ENPP7: variants seen among roughly 807,000 people sequenced by gnomAD.
ENPP7 encodes the protein ectonucleotide pyrophosphatase/phosphodiesterase 7.
In ENPP7, 39 loss-of-function variants were observed where a neutral mutation model predicts 33.6. That is an observed-to-expected ratio of 1.16 (90% CI 0.90 to 1.52). ENPP7 has a LOEUF of 1.52. Among genes scored for constraint, ENPP7 ranks in the 40% most tolerant of loss-of-function variants. The pLI is 0.00. For missense variants in ENPP7, 594 were observed against 641.0 expected, an observed-to-expected ratio of 0.93 and a Z score of 0.79; for synonymous variants, 244 against 274.3, an observed-to-expected ratio of 0.89 and a Z score of 1.09.
rs201532960 is a variant in ENPP7, at chr17:79,735,334, G to A, written c.691G>A (p.Ala231Thr). The change falls in exon 3 of 6, where the codon GCG (alanine) becomes ACG (threonine). Residue 231 changes from alanine (A) to threonine (T), a missense_variant. By Grantham distance (58) the Ala-to-Thr change is moderately conservative. This residue lies in a region of ENPP7 where 504 missense variants were observed against 512.8 expected (regional missense o/e 0.98). Coordinates refer to ENST00000328313, the MANE Select transcript of ENPP7 (RefSeq NM_178543.5). This position sits in a 1 kb window ranked among gnomAD's most constrained non-coding sequence, Gnocchi z 5.5. Reference sequence around the variant, plus strand: ...CGTGGGCTACCTCCGGGAGAGCATCGCGCGCAACCACCTCACAGACCGCCT... The same window carrying A: ...CGTGGGCTACCTCCGGGAGAGCATCACGCGCAACCACCTCACAGACCGCCT... The part of the protein sequence containing the change: ...RTVGYLRESI[A>T]RNHLTDRLNL... 2.8e-5 allele frequency: 45 copies of A among 1,613,596 alleles called. No homozygotes were observed. The highest frequency in any genetic ancestry group is 1.6e-4 in the African/African-American group (12 of 75,028).
chr17:79,735,626 C>T lies in ENPP7; in HGVS notation c.983C>T (p.Thr328Ile). ...CACTACGCCAACAACCCCAGGGTCA[C>T]ACCCCTGCTGATGTACAGCGACCTT... ...AFHYANNPRVTPLLMYSDLGY... is the reference protein window; with the variant it reads ...AFHYANNPRVIPLLMYSDLGY... Residue 328 changes from threonine to isoleucine, a missense_variant, in exon 3 of 6, where the codon ACA becomes ATA. By Grantham distance (89) the Thr-to-Ile change is moderately conservative. This residue lies in a region of ENPP7 where 504 missense variants were observed against 512.8 expected (regional missense o/e 0.98). Transcript: ENST00000328313. This position sits in a 1 kb window ranked among gnomAD's most constrained non-coding sequence, Gnocchi z 5.5. 5.6e-6 allele frequency: 9 copies of T among 1,613,540 alleles called. No homozygotes were observed. Among genetic ancestry groups the T allele is most frequent in the Non-Finnish European group, 7.6e-6 (9 of 1,179,858 alleles).
At chr17:79,736,726 C>T (rs1041618793) in intron 3 of ENPP7, among the ~76,000 whole-genome samples, 1 of 152,204 alleles carries the variant, frequency 6.6e-6, no homozygotes, top group Non-Finnish European at 1.5e-5. Context: ...CAGACATCCC[C>T]GGAAAGGAAG....
Position 79,733,579 on chromosome 17 carries a change from T to C in ENPP7, c.325T>C (p.Tyr109His). 1.2e-6 allele frequency: 2 copies of C among 1,613,572 alleles called. No homozygotes were observed. Among genetic ancestry groups the C allele is most frequent in the Non-Finnish European group, 1.7e-6 (2 of 1,179,982 alleles). Residue 109 changes from tyrosine to histidine, a missense_variant, in exon 2 of 6, where the codon TAC (tyrosine) becomes CAC (histidine). By Grantham distance (83) the Tyr-to-His change is moderately conservative. Transcript: ENST00000328313. ...YNTTSKVKLP[Y>H]HATLGIQRWW... is the part of the protein sequence containing the mutation. ...CACCACCAGCAAGGTGAAGCTGCCC[T>C]ACCACGCCACGCTGGGCATCCAGAG...
At chr17:79,732,157 C>CATAT (rs1236711786) in intron 1 of ENPP7, among the ~76,000 whole-genome samples, 11 of 73,292 alleles carry the variant, frequency 1.5e-4, no homozygotes, top group Non-Finnish European at 2.9e-4. Flanking sequence ...TATACACACA[C>CATAT]ATATATATAT....
In ENPP7 at chr17:79,731,038, G is replaced by A; in HGVS notation, c.-102G>A. The stretch of plus-strand genomic sequence containing the variant: ...GGATGTGCACAGCCACATTCCAAAG[G>A]CGCACGGGATGAGATCAGCCCGGGT... On this transcript the variant is annotated 5_prime_UTR_variant, in exon 1 of 6. Coordinates refer to ENST00000328313, the MANE Select transcript of ENPP7 (RefSeq NM_178543.5). 1 of 1,326,346 alleles carries A rather than the reference G, an allele frequency of 7.5e-7. No homozygotes were observed. The highest frequency in any genetic ancestry group is 1.5e-5 in the South Asian group (1 of 67,492). The allele number at this position is 1,326,346 out of a possible 1,614,324, so 82.2% of individuals were successfully genotyped here.
At position 79,739,007 on chromosome 17, in the gene ENPP7, T is replaced by C. The variant is rs1171313332; in HGVS notation, c.*16+945T>C. The stretch of plus-strand genomic sequence containing the variant: ...ATCCACGCACAGAGTGCTCAGATGC[T>C]TGTGATGGCAAAGAAGAGACGGCCA... On this transcript the variant is annotated intron_variant, in intron 5 of 5. Transcript: ENST00000328313. The surrounding 1 kb of genome is among the most constrained non-coding windows in gnomAD (Gnocchi z 4.4). The C allele has an allele frequency of 3.9e-5, 6 of 152,232 alleles. No individual in the cohort carries two copies. The highest frequency in any genetic ancestry group is 3.9e-4 in the Admixed American group (6 of 15,288). The allele number at this position is 152,232 out of a possible 1,614,324, so 9.4% of individuals were successfully genotyped here.
At position 79,737,896 on chromosome 17, in the gene ENPP7, G is replaced by A; in HGVS notation, c.1247-20G>A. 1.9e-6 allele frequency: 3 copies of A among 1,613,222 alleles called. No individual in the cohort carries two copies. Among genetic ancestry groups the A allele is most frequent in the Non-Finnish European group, 1.7e-6 (2 of 1,179,864 alleles). On this transcript the variant is annotated intron_variant, in intron 4 of 5. Coordinates refer to ENST00000328313, the MANE Select transcript of ENPP7 (RefSeq NM_178543.5). The surrounding 1 kb of genome is among the most constrained non-coding windows in gnomAD (Gnocchi z 5.5). ...AGGAGCCATCCCTCTCTCCCTCACAGGTCCTCTGGCTTTCCTTAGAATCTG... is the reference window on the plus strand; with the variant it reads ...AGGAGCCATCCCTCTCTCCCTCACAAGTCCTCTGGCTTTCCTTAGAATCTG...
chr17:79,733,683 G>T, intron 2 of ENPP7, 30 bp downstream of exon 2: 1 of 1,576,176 alleles, frequency 6.3e-7, no homozygotes, highest in South Asian at 1.2e-5. Flanking sequence ...TACTGACATC[G>T]CAGAGCACGG....
At position 79,738,136 on chromosome 17, in the gene ENPP7, C is replaced by T. The variant is rs1487234789; in HGVS notation, c.*16+74C>T. The T allele has an allele frequency of 4.7e-6, 7 of 1,481,088 alleles. No individual in the cohort carries two copies. The Admixed American group carries it at 6.9e-5, about 15-fold the overall frequency. 91.7% of individuals were successfully genotyped at this position (1,481,088 alleles called of 1,614,324 possible). A position where few individuals can be genotyped will look rare whatever the true frequency, so the allele number is the denominator to read the frequency against. The stretch of plus-strand genomic sequence containing the variant: ...ACCCTCCACCCTGATGTCCCAGCTA[C>T]AGTCCTAGGCAACCAGAACAGAGCT... On this transcript the variant is annotated intron_variant, in intron 5 of 5. Coordinates refer to ENST00000328313, the MANE Select transcript of ENPP7 (RefSeq NM_178543.5). The surrounding 1 kb of genome is among the most constrained non-coding windows in gnomAD (Gnocchi z 6.2).
At chr17:79,734,980 C>G in intron 2 of ENPP7, 63 bp from the exon 3 acceptor site, 1 of 1,551,286 alleles carries the variant, frequency 6.4e-7, no homozygotes, top group East Asian at 2.3e-5. Context: ...AATGTGTTCA[C>G]AGGCATGAGA....
Position 79,738,144 on chromosome 17 carries a change from G to C in ENPP7, c.*16+82G>C. On this transcript the variant is annotated intron_variant, in intron 5 of 5. Transcript: ENST00000328313. This position sits in a 1 kb window ranked among gnomAD's most constrained non-coding sequence, Gnocchi z 6.2. Reference sequence around the variant, plus strand: ...CCCTGATGTCCCAGCTACAGTCCTAGGCAACCAGAACAGAGCTGCCAGGCC... The same window carrying C: ...CCCTGATGTCCCAGCTACAGTCCTACGCAACCAGAACAGAGCTGCCAGGCC... 1.4e-6 allele frequency: 2 copies of C among 1,465,426 alleles called. No homozygotes were observed. The highest frequency in any genetic ancestry group is 1.9e-6 in the Non-Finnish European group (2 of 1,072,054). The allele number at this position is 1,465,426 out of a possible 1,614,324, so 90.8% of individuals were successfully genotyped here. A position where few individuals can be genotyped will look rare whatever the true frequency, so the allele number is the denominator to read the frequency against.
intron 2 of ENPP7, among the ~76,000 whole-genome samples, chr17:79,734,816 C>T (rs782705825): frequency 1.3e-5 from 2 of 152,278 alleles, no homozygotes; most frequent in Non-Finnish European, 2.9e-5. Context: ...GTTTAGTGCT[C>T]AAGTCCAGTG....
In ENPP7 at chr17:79,731,284, G is replaced by A. The variant is rs142401033; in HGVS notation, c.145G>A (p.Val49Met). Residue 49 changes from valine to methionine, a missense_variant, in exon 1 of 6, where the codon GTG (valine) becomes ATG (methionine). By Grantham distance (21) the Val-to-Met change is conservative. Coordinates refer to ENST00000328313, the MANE Select transcript of ENPP7 (RefSeq NM_178543.5). Reference sequence around the variant, plus strand: ...CTTCCGCTGGAACTACGACCAGGACGTGGACACCCCCAACCTGGACGCCAT... The same window carrying A: ...CTTCCGCTGGAACTACGACCAGGACATGGACACCCCCAACCTGGACGCCAT... Reference protein sequence around the residue: ...DGFRWNYDQDVDTPNLDAMAR... With the variant: ...DGFRWNYDQDMDTPNLDAMAR... 58 of 1,613,958 alleles carry A rather than the reference G, an allele frequency of 3.6e-5. No individual in the cohort carries two copies. In the African/African-American group the frequency reaches 5.6e-4, roughly 16 times the overall value.
chr17:79,740,785 C>T (rs1032607196), intron 5 of ENPP7, among the ~76,000 whole-genome samples: 18 of 152,168 alleles, frequency 1.2e-4, no homozygotes, highest in African/African-American at 3.9e-4. Flanking sequence ...GGCGTGAATA[C>T]TCCCACCATG....
At position 79,739,802 on chromosome 17, in the gene ENPP7, C is replaced by A. The variant is rs1197414406; in HGVS notation, c.*16+1740C>A. ...TATGGGACTCAATGAAAGCCCCCAG[C>A]CAGAAGGAGTGGACTGAGAAGAGAT... On this transcript the variant is annotated intron_variant, in intron 5 of 5. Transcript: ENST00000328313. This position sits in a 1 kb window ranked among gnomAD's most constrained non-coding sequence, Gnocchi z 4.4. Among the ~76,000 whole-genome samples, 2 of 152,184 alleles carry A rather than the reference C, an allele frequency of 1.3e-5. No homozygotes were observed. Among genetic ancestry groups the A allele is most frequent in the Non-Finnish European group, 2.9e-5 (2 of 68,028 alleles).
Position 79,739,355 on chromosome 17 carries a change from A to G in ENPP7, c.*16+1293A>G, listed in dbSNP as rs2094301573. ...CACAGGGTCTGAGGTTGATGATTAA[A>G]TGAGTGGCTCCCACTGCTGGGCCGG... is the stretch of plus-strand genomic sequence containing the variant. On this transcript the variant is annotated intron_variant, in intron 5 of 5. Transcript: ENST00000328313. The surrounding 1 kb of genome is among the most constrained non-coding windows in gnomAD (Gnocchi z 4.4). 6.6e-6 allele frequency: 1 copy of G among 152,448 alleles called. No individual in the cohort carries two copies. The highest frequency in any genetic ancestry group is 2.4e-5 in the African/African-American group (1 of 41,580). 9.4% of individuals were successfully genotyped at this position (152,448 alleles called of 1,614,324 possible).
intron 1 of ENPP7, among the ~76,000 whole-genome samples, chr17:79,733,033 C>A (rs1440692514): frequency 6.6e-6 from 1 of 152,192 alleles, no homozygotes; most frequent in African/African-American, 2.4e-5. Flanking sequence ...CACGTGTTTC[C>A]TGTACAAAAA....
At position 79,739,740 on chromosome 17, in the gene ENPP7, G is replaced by A. The variant is rs1390185537; in HGVS notation, c.*16+1678G>A. ...AGTCCACAGCCAGGGATGCAGTTTA[G>A]TCTGGCAATTTAAATTTGAGACTTG... On this transcript the variant is annotated intron_variant, in intron 5 of 5. Coordinates refer to ENST00000328313, the MANE Select transcript of ENPP7 (RefSeq NM_178543.5). The surrounding 1 kb of genome is among the most constrained non-coding windows in gnomAD (Gnocchi z 4.4). Among the ~76,000 whole-genome samples, 5 of 152,228 alleles carry A rather than the reference G, an allele frequency of 3.3e-5. No homozygotes were observed. Among genetic ancestry groups the A allele is most frequent in the Non-Finnish European group, 7.3e-5 (5 of 68,040 alleles).
At position 79,737,114 on chromosome 17, in the gene ENPP7, G is replaced by T. The variant is rs370478890; in HGVS notation, c.1100G>T (p.Arg367Leu). 1 of 1,614,054 alleles carries T rather than the reference G, an allele frequency of 6.2e-7. No homozygotes were observed. Among genetic ancestry groups the T allele is most frequent in the African/African-American group, 1.3e-5 (1 of 74,940 alleles). The stretch of plus-strand genomic sequence containing the variant: ...GACATGGACATGAAGACCATCTTCC[G>T]CGCTGTGGGCCCTAGCTTCAGGGCG... ...NKDMDMKTIF[R>L]AVGPSFRAGL... The change falls in exon 4 of 6, where the codon CGC becomes CTC. Residue 367 changes from arginine (R) to leucine (L), a missense_variant. By Grantham distance (102) the Arg-to-Leu change is moderately radical (BLOSUM62 -2). Transcript: ENST00000328313. The surrounding 1 kb of genome is among the most constrained non-coding windows in gnomAD (Gnocchi z 5.5).
Sources: allele counts gnomAD v4.1 joint callset (sites outside exome capture counted in the v4.1 genomes callset), GRCh38; gene constraint gnomAD v4.1.1; regional missense constraint gnomAD v4.1.1; non-coding constraint Gnocchi (gnomAD v3.1); transcripts MANE v1.5; gene names NCBI Gene and HGNC (gene_info 2026-07-23, HGNC 2026-07-21).